Variants in BARD1 observed in about 807,000 individuals in gnomAD.
The protein encoded by BARD1 is BRCA1 associated RING domain 1, also known as BRCA1-associated RING domain protein 1.
In BARD1, 73 loss-of-function variants were observed where a neutral mutation model predicts 77.0. That is an observed-to-expected ratio of 0.95 (90% confidence interval 0.79 to 1.15). The LOEUF (loss-of-function observed/expected upper bound fraction) is 1.15, where lower values mean the gene tolerates loss of function less well. Ranked by LOEUF, BARD1 falls within the 50% of genes most tolerant of loss-of-function variation. The pLI is 0.00. For missense variants in BARD1, 993 were observed against 938.8 expected (o/e 1.06, Z -0.75); for synonymous variants, 384 against 338.0 (o/e 1.14, Z -1.49).
chr2:214,732,532 AC>A (rs1692402512), intron 9 of BARD1, among the ~76,000 whole-genome samples: 1 of 151,976 alleles, frequency 6.6e-6, no homozygotes, highest in Non-Finnish European at 1.5e-5. Context: ...AGTAGCTGGG[AC>A]TACAGGCGCC....
At chr2:214,733,040 A>G (rs1692424430) in intron 9 of BARD1, among the ~76,000 whole-genome samples, 1 of 152,240 alleles carries the variant, frequency 6.6e-6, no homozygotes, top group South Asian at 2.1e-4. Flanking sequence ...TACGAGGTAG[A>G]AAAGACCCTG....
chr2:214,801,700 A>G (rs1264220138), intron 1 of BARD1, among the ~76,000 whole-genome samples: 1 of 152,094 alleles, frequency 6.6e-6, no homozygotes, highest in Non-Finnish European at 1.5e-5. Flanking sequence ...ACTGTGTTCC[A>G]CTCTTTTCTA....
chr2:214,792,178 T>C lies in BARD1; in HGVS notation c.364+119A>G, dbSNP rs545227498. 2.5e-4 allele frequency: 261 copies of C among 1,049,220 alleles called. 2 individuals are homozygous for C. The African/African-American group carries it at 3.9e-3, about 16-fold the overall frequency. 65.0% of individuals were successfully genotyped at this position (1,049,220 alleles called of 1,614,324 possible). A position where few individuals can be genotyped will look rare whatever the true frequency, so the allele number is the denominator to read the frequency against. Reference sequence around the variant, plus strand: ...AAAAAAAAAAAAAAAACCTACAGATTTTAAAATCTGAAATACGTATTCCAG... The same window carrying C: ...AAAAAAAAAAAAAAAACCTACAGATCTTAAAATCTGAAATACGTATTCCAG... On this transcript the variant is annotated intron_variant, in intron 3 of 10. Transcript: ENST00000260947.
In BARD1 at chr2:214,727,524, C is replaced by T. The variant is rs1469308147; in HGVS notation, c.*1152G>A. On this transcript the variant is annotated 3_prime_UTR_variant, in exon 11 of 11. Coordinates refer to ENST00000260947, the MANE Select transcript of BARD1 (RefSeq NM_000465.4). ...TCAAAATAATCTAATGTATCCTTGT[C>T]GATTCATGAATGAGAGCACCCAGAG... 3.9e-5 allele frequency: 9 copies of T among 231,774 alleles called. No individual in the cohort carries two copies. The highest frequency in any genetic ancestry group is 6.0e-5 in the Non-Finnish European group (7 of 117,216). 14.4% of individuals were successfully genotyped at this position (231,774 alleles called of 1,614,324 possible). A position where few individuals can be genotyped will look rare whatever the true frequency, so the allele number is the denominator to read the frequency against.
At chr2:214,785,367 C>A (rs1345448599) in intron 3 of BARD1, among the ~76,000 whole-genome samples, 1 of 151,528 alleles carries the variant, frequency 6.6e-6, no homozygotes, top group Non-Finnish European at 1.5e-5. Context: ...TCATTTTCTT[C>A]AAGAAAAAAA....
chr2:214,737,012 T>C (rs1559379285), intron 9 of BARD1, among the ~76,000 whole-genome samples: 2 of 152,154 alleles, frequency 1.3e-5, no homozygotes, highest in Non-Finnish European at 2.9e-5. Flanking sequence ...GGTCTACAAC[T>C]ACATTTGAAG....
At chr2:214,785,967 C>G (rs1559430925) in intron 3 of BARD1, among the ~76,000 whole-genome samples, 1 of 151,814 alleles carries the variant, frequency 6.6e-6, no homozygotes, top group African/African-American at 2.4e-5. Flanking sequence ...AAAGAAACTA[C>G]CCAAATTTTG....
intron 1 of BARD1, among the ~76,000 whole-genome samples, chr2:214,804,866 A>C (rs892595611): frequency 6.6e-6 from 1 of 152,258 alleles, no homozygotes. Context: ...CATTTTAAAA[A>C]TCTATTCGCA....
intron 6 of BARD1, among the ~76,000 whole-genome samples, chr2:214,761,569 G>C (rs1574775708): frequency 6.6e-6 from 1 of 152,160 alleles, no homozygotes; most frequent in Non-Finnish European, 1.5e-5. Context: ...GGGAGGCTGA[G>C]GTGGGAGGAT....
intron 3 of BARD1, among the ~76,000 whole-genome samples, chr2:214,790,266 C>G (rs1019865184): frequency 6.6e-6 from 1 of 152,044 alleles, no homozygotes; most frequent in Non-Finnish European, 1.5e-5. Context: ...GTTCCTCCCC[C>G]ACCAAAATTC....
At chr2:214,767,165 T>C (rs1355196021) in intron 6 of BARD1, among the ~76,000 whole-genome samples, 1 of 152,234 alleles carries the variant, frequency 6.6e-6, no homozygotes, top group Non-Finnish European at 1.5e-5. Flanking sequence ...TCATTCTTTT[T>C]TGTAGTTGCA....
intron 5 of BARD1, 114 bp downstream of exon 5, chr2:214,769,118 C>A: frequency 1.2e-6 from 1 of 861,370 alleles, no homozygotes; most frequent in South Asian, 1.5e-5. Flanking sequence ...AACATAAGTT[C>A]TTCAGACTAA....
At chr2:214,806,995 G>A (rs1201510981) in intron 1 of BARD1, among the ~76,000 whole-genome samples, 5 of 152,012 alleles carry the variant, frequency 3.3e-5, no homozygotes, top group African/African-American at 1.2e-4. Context: ...ATTGCCTGTG[G>A]GCCAAACCAA....
chr2:214,776,679 C>T (rs1346740305), intron 4 of BARD1, among the ~76,000 whole-genome samples: 4 of 152,136 alleles, frequency 2.6e-5, no homozygotes, highest in South Asian at 4.1e-4. Context: ...CAAAAAATTA[C>T]GACCTCCAAA....
chr2:214,767,523 T>C lies in BARD1; in HGVS notation c.1527A>G (p.Ile509Met). 6.2e-7 allele frequency: 1 copy of C among 1,614,028 alleles called. No individual in the cohort carries two copies. Residue 509 changes from isoleucine to methionine, a missense_variant, in exon 6 of 11, where the codon ATA becomes ATG. Coordinates refer to ENST00000260947, the MANE Select transcript of BARD1 (RefSeq NM_000465.4). ...HDAAKNGHVD[I>M]VKLLLSYGAS... The stretch of plus-strand genomic sequence containing the variant: ...CTCCATAGGAAAGTAACAGCTTGAC[T>C]ATATCCACATGCCCATTCTTGGCTG...
In BARD1 at chr2:214,727,770, A is replaced by C. The variant is rs1692143281; in HGVS notation, c.*906T>G. Reference sequence around the variant, plus strand: ...TAAAAAAAACCTTTTCCTTTTACAAAGGAAGAAATTAAGACCTTCAAAATT... The same window carrying C: ...TAAAAAAAACCTTTTCCTTTTACAACGGAAGAAATTAAGACCTTCAAAATT... On this transcript the variant is annotated 3_prime_UTR_variant, in exon 11 of 11. Coordinates refer to ENST00000260947, the MANE Select transcript of BARD1 (RefSeq NM_000465.4). 4.4e-6 allele frequency: 1 copy of C among 227,206 alleles called. No individual in the cohort carries two copies. Among genetic ancestry groups the C allele is most frequent in the Non-Finnish European group, 8.7e-6 (1 of 114,290 alleles). The allele number at this position is 227,206 out of a possible 1,614,324, so 14.1% of individuals were successfully genotyped here. A position where few individuals can be genotyped will look rare whatever the true frequency, so the allele number is the denominator to read the frequency against.
chr2:214,744,409 T>A (rs1004677456), intron 9 of BARD1, among the ~76,000 whole-genome samples: 1 of 152,346 alleles, frequency 6.6e-6, no homozygotes. Flanking sequence ...ATTGCTTTCA[T>A]TTCACAGACA....
chr2:214,804,704 C>G (rs1696186938), intron 1 of BARD1, among the ~76,000 whole-genome samples: 1 of 152,078 alleles, frequency 6.6e-6, no homozygotes, highest in Non-Finnish European at 1.5e-5. Flanking sequence ...CTATATAAAC[C>G]AACTGAGTAT....
At chr2:214,750,988 T>C (rs1458967916) in intron 7 of BARD1, among the ~76,000 whole-genome samples, 3 of 150,700 alleles carry the variant, frequency 2.0e-5, no homozygotes, top group Non-Finnish European at 3.0e-5. Flanking sequence ...TGAGAAAAGG[T>C]TTTCTGTTAC....
Sources: allele counts gnomAD v4.1 joint callset (sites outside exome capture counted in the v4.1 genomes callset), GRCh38; gene constraint gnomAD v4.1.1; transcripts MANE v1.5; gene names NCBI Gene and HGNC (gene_info 2026-07-23, HGNC 2026-07-21).